ESR1: variants seen among roughly 807,000 people sequenced by gnomAD.
The protein encoded by ESR1 is estrogen receptor 1, also known as estrogen receptor.
Under a neutral mutation model 52.7 loss-of-function variants are expected in ESR1, and 12 were observed. The ratio of observed to expected loss-of-function variants is 0.23; its 90% confidence interval spans 0.15 to 0.37. The LOEUF is 0.37. ESR1 is among the 10% of genes least tolerant of loss of function. The pLI, the probability that ESR1 is intolerant of heterozygous loss-of-function variation, is 1.00. For missense variants in ESR1, 584 were observed against 779.7 expected (o/e 0.75, Z 2.99); for synonymous variants, 305 against 316.8 (o/e 0.96, Z 0.39).
intron 1 of ESR1, among the ~76,000 whole-genome samples, chr6:151,685,381 C>A (rs1361827884): frequency 6.6e-6 from 1 of 151,958 alleles, no homozygotes; most frequent in Non-Finnish European, 1.5e-5. Flanking sequence ...GATCCACCCG[C>A]CTCGGCCTCC....
chr6:152,056,919 G>A (rs2047152470), intron 5 of ESR1, among the ~76,000 whole-genome samples: 1 of 152,116 alleles, frequency 6.6e-6, no homozygotes, highest in Admixed American at 6.6e-5. Context: ...AGCACCTCAT[G>A]GATTTAGACT....
At position 151,884,418 on chromosome 6, in the gene ESR1, C is replaced by A. The variant is rs550710412; in HGVS notation, c.760+3647C>A. On this transcript the variant is annotated intron_variant, in intron 3 of 7. Coordinates refer to ENST00000206249, the MANE Select transcript of ESR1 (RefSeq NM_000125.4). ...TAAATCTTTACAACATGTTTTCAAC[C>A]ATTAGGGTTCACAACAATCCACTTT... 2.0e-5 allele frequency among the ~76,000 whole-genome samples: 3 copies of A among 152,312 alleles called. No individual in the cohort carries two copies. In the South Asian group the frequency reaches 6.2e-4, roughly 32 times the overall value.
intron 3 of ESR1, among the ~76,000 whole-genome samples, chr6:151,937,642 T>C (rs183945568): frequency 1.1e-4 from 17 of 152,292 alleles, no homozygotes; most frequent in Admixed American, 1.0e-3. Context: ...TAGCATTAAG[T>C]GAACCAGATA....
At position 152,002,223 on chromosome 6, in the gene ESR1, G is replaced by GTGTGTGTGTGTGTGT. The variant is rs1554303868; in HGVS notation, c.1097-9433_1097-9432insTGTGTGTGTGTGTGT. The stretch of plus-strand genomic sequence containing the variant: ...GTGTGTGTGTGTGTGTGTGTGTGTG[G>GTGTGTGTGTGTGTGT]AATATCTCACTAAAACGACAGTGTT... On this transcript the variant is annotated intron_variant, in intron 4 of 7. Coordinates refer to ENST00000206249, the MANE Select transcript of ESR1 (RefSeq NM_000125.4). Among the ~76,000 whole-genome samples, 7 of 111,218 alleles carry GTGTGTGTGTGTGTGT rather than the reference G, an allele frequency of 6.3e-5. No individual in the cohort carries two copies. The South Asian group carries it at 1.5e-3, about 23-fold the overall frequency. The allele number at this position is 111,218 out of a possible 152,430, so 73.0% of individuals were successfully genotyped here.
downstream of ESR1, among the ~76,000 whole-genome samples, chr6:152,103,862 C>T (rs2152511852): frequency 6.6e-6 from 1 of 152,204 alleles, no homozygotes; most frequent in East Asian, 1.9e-4. Context: ...GCTTCCTTTA[C>T]CCATTTTCTC....
intron 6 of ESR1, among the ~76,000 whole-genome samples, chr6:152,088,916 A>G (rs1267350154): frequency 6.6e-6 from 1 of 152,262 alleles, no homozygotes; most frequent in Non-Finnish European, 1.5e-5. Context: ...CTTTATTATA[A>G]GTGTATTGTC....
chr6:151,663,363 G>A (rs1777706720), intron 1 of ESR1, among the ~76,000 whole-genome samples: 1 of 152,070 alleles, frequency 6.6e-6, no homozygotes, highest in Admixed American at 6.6e-5. Context: ...TTTTTCTGCT[G>A]AGATCAACTG....
intron 6 of ESR1, among the ~76,000 whole-genome samples, chr6:152,068,769 A>C (rs142256894): frequency 1.3e-5 from 2 of 152,328 alleles, no homozygotes; most frequent in East Asian, 3.9e-4. Flanking sequence ...TTCCACTAAA[A>C]TAAAATAGCT....
chr6:151,858,701 A>C (rs1446209793), intron 2 of ESR1, among the ~76,000 whole-genome samples: 6 of 151,640 alleles, frequency 4.0e-5, no homozygotes, highest in African/African-American at 1.5e-4. Context: ...AACAATCATT[A>C]CTGGTCTGGT....
chr6:151,864,946 G>C (rs1294220903), intron 2 of ESR1, among the ~76,000 whole-genome samples: 19 of 107,416 alleles, frequency 1.8e-4, no homozygotes, highest in African/African-American at 5.9e-4. Flanking sequence ...TGTGGGGTGG[G>C]GGGAGGGGGG....
At chr6:152,123,348 G>A (rs1420736576) in intron 6 of ESR1, among the ~76,000 whole-genome samples, 1 of 152,156 alleles carries the variant, frequency 6.6e-6, no homozygotes, top group Non-Finnish European at 1.5e-5. Context: ...TAGATGCTAG[G>A]CTGATCCTAT....
At chr6:151,778,296 G>T (rs1786205634) in intron 2 of ESR1, among the ~76,000 whole-genome samples, 1 of 152,022 alleles carries the variant, frequency 6.6e-6, no homozygotes, top group African/African-American at 2.4e-5. Flanking sequence ...GGATGATGAA[G>T]AATTTCTGGA....
intron 2 of ESR1, among the ~76,000 whole-genome samples, chr6:151,751,981 G>A (rs1283526697): frequency 6.6e-6 from 1 of 152,204 alleles, no homozygotes; most frequent in African/African-American, 2.4e-5. Flanking sequence ...AGACCTTGTA[G>A]GTAGCTCTTT....
chr6:152,010,197 C>T (rs2042652088), intron 4 of ESR1, among the ~76,000 whole-genome samples: 1 of 152,028 alleles, frequency 6.6e-6, no homozygotes, highest in East Asian at 1.9e-4. Context: ...AAAGATGATA[C>T]TTAAGCATGT....
At chr6:151,905,690 A>G (rs1346995307) in intron 3 of ESR1, among the ~76,000 whole-genome samples, 1 of 152,178 alleles carries the variant, frequency 6.6e-6, no homozygotes, top group Non-Finnish European at 1.5e-5. Context: ...CTTAGAGTTT[A>G]TTTCTCCATA....
intron 6 of ESR1, among the ~76,000 whole-genome samples, chr6:152,088,826 A>G (rs2049952297): frequency 6.6e-6 from 1 of 152,246 alleles, no homozygotes; most frequent in African/African-American, 2.4e-5. Flanking sequence ...AAAATGGGCT[A>G]AAACACACGC....
chr6:152,105,642 T>G (rs2051056198), downstream of ESR1, among the ~76,000 whole-genome samples: 1 of 151,952 alleles, frequency 6.6e-6, no homozygotes, highest in Non-Finnish European at 1.5e-5. Flanking sequence ...GGAAGGCTGG[T>G]CTTGAACTCC....
At chr6:151,902,929 T>A (rs543051349) in intron 3 of ESR1, among the ~76,000 whole-genome samples, 1 of 152,312 alleles carries the variant, frequency 6.6e-6, no homozygotes, top group South Asian at 2.1e-4. Context: ...GGATAATTAG[T>A]GATACATAAA....
chr6:151,664,765 G>A (rs150556535), intron 1 of ESR1, among the ~76,000 whole-genome samples: 172 of 152,274 alleles, frequency 1.1e-3, no homozygotes, highest in African/African-American at 4.0e-3. Context: ...AGCATTCGAT[G>A]TTTTAGCTGA....
Sources: allele counts gnomAD v4.1 joint callset (sites outside exome capture counted in the v4.1 genomes callset), GRCh38; gene constraint gnomAD v4.1.1; transcripts MANE v1.5; gene names NCBI Gene and HGNC (gene_info 2026-07-23, HGNC 2026-07-21).